Variants in L3MBTL3 observed in about 807,000 individuals in gnomAD.
L3MBTL3 encodes L3MBTL histone methyl-lysine binding protein 3.
A neutral mutation model predicts 102.3 loss-of-function variants in L3MBTL3; 27 were observed. The ratio of observed to expected loss-of-function variants is 0.26; its 90% CI spans 0.19 to 0.36. The LOEUF (loss-of-function observed/expected upper bound fraction) is 0.36. Ranked by LOEUF, L3MBTL3 falls within the 10% of genes least tolerant of loss-of-function variation. The pLI, the probability that L3MBTL3 is intolerant of heterozygous loss-of-function variation, is 1.00. For synonymous variants in L3MBTL3, 340 were observed against 320.9 expected (o/e 1.06, Z -0.64); for missense variants, 798 against 955.3 (o/e 0.84, Z 2.17).
At chr6:130,062,274 A>T (rs1466524348) in intron 10 of L3MBTL3, among the ~76,000 whole-genome samples, 1 of 152,052 alleles carries the variant, frequency 6.6e-6, no homozygotes, top group Admixed American at 6.6e-5. Flanking sequence ...TATCCCAGAG[A>T]GCATGACCCT....
At chr6:130,051,127 C>A in intron 5 of L3MBTL3, 122 bp from the exon 6 acceptor site, 1 of 716,138 alleles carries the variant, frequency 1.4e-6, no homozygotes, top group Non-Finnish European at 2.3e-6. Flanking sequence ...ATCATTCATT[C>A]ATTCAGCAAA....
chr6:130,116,210 A>G (rs187214122), intron 19 of L3MBTL3, among the ~76,000 whole-genome samples: 5 of 152,336 alleles, frequency 3.3e-5, no homozygotes, highest in East Asian at 1.9e-4. Flanking sequence ...GCTGTGCATC[A>G]TGCTCCTACT....
chr6:130,053,765 A>G (rs998002729), intron 7 of L3MBTL3, among the ~76,000 whole-genome samples: 2 of 152,186 alleles, frequency 1.3e-5, no homozygotes, highest in African/African-American at 4.8e-5. Flanking sequence ...GGCATCTATT[A>G]ATGGTTTTAT....
chr6:130,083,523 T>G (rs866965888), intron 14 of L3MBTL3, 97 bp from the exon 15 acceptor site: 22 of 573,088 alleles, frequency 3.8e-5, no homozygotes, highest in Middle Eastern at 4.5e-4. Context: ...GAACATAATT[T>G]TCTAGATTAT....
chr6:130,086,893 G>C (rs149735374), intron 16 of L3MBTL3, among the ~76,000 whole-genome samples: 1 of 152,232 alleles, frequency 6.6e-6, no homozygotes, highest in African/African-American at 2.4e-5. Flanking sequence ...AAATTGTTTG[G>C]AATTTCTATT....
chr6:130,055,229 GA>G lies in L3MBTL3; in HGVS notation c.642del (p.Asp216IlefsTer5). ...RGSQRARRKR[R>X]GDSAVLKQGL... ...TCGCAGAGAGCACGGAGGAAAAGAC[GA>G]GGGGATTCGGCTGTACTAAAGCAGG... On this transcript the variant is annotated frameshift_variant, in exon 8 of 23. Coordinates refer to ENST00000361794, the MANE Select transcript of L3MBTL3 (RefSeq NM_032438.4). LOFTEE classifies it high-confidence loss of function. 6.2e-7 allele frequency: 1 copy of G among 1,613,620 alleles called. No individual in the cohort carries two copies. The highest frequency in any genetic ancestry group is 8.5e-7 in the Non-Finnish European group (1 of 1,179,720).
At position 130,092,817 on chromosome 6, in the gene L3MBTL3, G is replaced by A. The variant is rs745932674; in HGVS notation, c.1591G>A (p.Gly531Ser). 31 of 1,613,014 alleles carry A rather than the reference G, an allele frequency of 1.9e-5. No homozygotes were observed. The East Asian group carries it at 2.5e-4, about 13-fold the overall frequency. ...DADSPDIHPVGWCSKTGHPLQ... is the reference protein window; with the variant it reads ...DADSPDIHPVSWCSKTGHPLQ... ...AGATTCTCCTGATATTCACCCTGTA[G>A]GCTGGTGTTCAAAAACAGGACATCC... Residue 531 changes from glycine to serine, a missense_variant, in exon 17 of 23, where the codon GGC becomes AGC. Around this residue, in one of 4 missense-constraint regions of L3MBTL3, gnomAD observed 306 missense variants for 314.4 expected, o/e 0.97. Transcript: ENST00000361794.
chr6:130,064,333 TG>T (rs1782101513), intron 10 of L3MBTL3, among the ~76,000 whole-genome samples: 1 of 152,118 alleles, frequency 6.6e-6, no homozygotes, highest in Non-Finnish European at 1.5e-5. Flanking sequence ...AAGAGGCATC[TG>T]GGGGTAACTG....
In L3MBTL3 at chr6:130,086,415, G is replaced by T. The variant is rs1241455872; in HGVS notation, c.1518+165G>T. Among the ~76,000 whole-genome samples, 4 of 152,152 alleles carry T rather than the reference G, an allele frequency of 2.6e-5. No homozygotes were observed. The East Asian group carries it at 7.7e-4, about 29-fold the overall frequency. Reference sequence around the variant, plus strand: ...TGTAAATCAGCATTCTTCCAGGTTTGTCCTTTAATCTGCATAAAACAATTT... The same window carrying T: ...TGTAAATCAGCATTCTTCCAGGTTTTTCCTTTAATCTGCATAAAACAATTT... On this transcript the variant is annotated intron_variant, in intron 16 of 22. Coordinates refer to ENST00000361794, the MANE Select transcript of L3MBTL3 (RefSeq NM_032438.4).
At chr6:130,060,369 G>A (rs1781807846) in intron 10 of L3MBTL3, among the ~76,000 whole-genome samples, 1 of 152,126 alleles carries the variant, frequency 6.6e-6, no homozygotes, top group Non-Finnish European at 1.5e-5. Flanking sequence ...ATGGATACAA[G>A]ACCACACAGC....
intron 1 of L3MBTL3, among the ~76,000 whole-genome samples, chr6:130,020,316 G>A (rs1192832676): frequency 6.6e-6 from 1 of 151,778 alleles, no homozygotes; most frequent in Non-Finnish European, 1.5e-5. Context: ...CCCGCGAGCT[G>A]GTGGAGTGTG....
intron 2 of L3MBTL3, among the ~76,000 whole-genome samples, chr6:130,025,235 A>G (rs932052026): frequency 1.3e-5 from 2 of 152,182 alleles, no homozygotes; most frequent in African/African-American, 4.8e-5. Context: ...AACTATTTAT[A>G]TGTTCATATG....
At chr6:130,106,873 A>G (rs1436844018) in intron 19 of L3MBTL3, among the ~76,000 whole-genome samples, 2 of 152,322 alleles carry the variant, frequency 1.3e-5, no homozygotes, top group East Asian at 1.9e-4. Context: ...TCATTTCCCA[A>G]TGGGTTTCCT....
chr6:130,087,361 T>G (rs1458748752), intron 16 of L3MBTL3, among the ~76,000 whole-genome samples: 1 of 152,124 alleles, frequency 6.6e-6, no homozygotes, highest in East Asian at 1.9e-4. Context: ...ATGTAAGTCA[T>G]AAAGCAATCA....
At position 130,140,437 on chromosome 6, in the gene L3MBTL3, AC is replaced by A. The variant is rs1788168963; in HGVS notation, c.*685del. Reference sequence around the variant, plus strand: ...AGCATCTTTACTATAATTACCAAAAACATGTATATAAAAGAATGAAATTGAA... The same window carrying A: ...AGCATCTTTACTATAATTACCAAAAAATGTATATAAAAGAATGAAATTGAA... On this transcript the variant is annotated 3_prime_UTR_variant, in exon 23 of 23. Coordinates refer to ENST00000361794, the MANE Select transcript of L3MBTL3 (RefSeq NM_032438.4). 1 of 152,678 alleles carries A rather than the reference AC, an allele frequency of 6.5e-6. No homozygotes were observed. Among genetic ancestry groups the A allele is most frequent in the African/African-American group, 2.4e-5 (1 of 41,462 alleles). 9.5% of individuals were successfully genotyped at this position (152,678 alleles called of 1,614,324 possible).
chr6:130,102,290 A>G (rs1352505151), intron 18 of L3MBTL3, among the ~76,000 whole-genome samples: 1 of 152,150 alleles, frequency 6.6e-6, no homozygotes, highest in Non-Finnish European at 1.5e-5. Context: ...AAGTTACGTC[A>G]TACCTTTACT....
At position 130,129,063 on chromosome 6, in the gene L3MBTL3, A is replaced by G. The variant is rs2114375063; in HGVS notation, c.1967-4389A>G. The stretch of plus-strand genomic sequence containing the variant: ...GCAATATCTCATGGTGTGTAGGGCC[A>G]GGGATATTGGTGGTGCTGTGTTCTA... On this transcript the variant is annotated intron_variant, in intron 20 of 22. Transcript: ENST00000361794. Among the ~76,000 whole-genome samples, 3 of 152,290 alleles carry G rather than the reference A, an allele frequency of 2.0e-5. No individual in the cohort carries two copies. The Middle Eastern group carries it at 0.01, about 518-fold the overall frequency.
intron 5 of L3MBTL3, among the ~76,000 whole-genome samples, chr6:130,050,554 T>A (rs1453030231): frequency 6.6e-6 from 1 of 152,254 alleles, no homozygotes; most frequent in Non-Finnish European, 1.5e-5. Context: ...CTGTACTACT[T>A]CTGGACCTTG....
chr6:130,121,571 C>T (rs1396180423), intron 20 of L3MBTL3, among the ~76,000 whole-genome samples: 2 of 152,066 alleles, frequency 1.3e-5, no homozygotes, highest in Non-Finnish European at 2.9e-5. Flanking sequence ...CAATATTGTA[C>T]ATAAAGTTTG....
Sources: allele counts gnomAD v4.1 joint callset (sites outside exome capture counted in the v4.1 genomes callset), GRCh38; gene constraint gnomAD v4.1.1; regional missense constraint gnomAD v4.1.1; transcripts MANE v1.5; gene names NCBI Gene and HGNC (gene_info 2026-07-23, HGNC 2026-07-21).